Variants in MYBPC1 observed in about 807,000 individuals in gnomAD.
MYBPC1 encodes myosin-binding protein C, slow-type.
Under a neutral mutation model 147.1 loss-of-function variants are expected in MYBPC1, and 52 were observed. The ratio of observed to expected loss-of-function variants is 0.35; its 90% CI spans 0.28 to 0.45. The LOEUF (loss-of-function observed/expected upper bound fraction) is 0.45. Among genes scored for constraint, MYBPC1 ranks in the 20% least tolerant of loss-of-function variants. MYBPC1 has a pLI of 1.00. For missense variants in MYBPC1, 1,228 were observed against 1,440.3 expected (o/e 0.85, Z 2.39); for synonymous variants, 477 against 475.9 (o/e 1.00, Z -0.03).
downstream of MYBPC1, among the ~76,000 whole-genome samples, chr12:101,686,840 T>A (rs1356213532): frequency 1.3e-5 from 2 of 152,184 alleles, no homozygotes; most frequent in African/African-American, 4.8e-5. Context: ...ATTCAGGTCG[T>A]TGCAGTACAT....
At chr12:101,650,903 C>A (rs565335497) in intron 15 of MYBPC1, 26 of 367,586 alleles carry the variant, frequency 7.1e-5, no homozygotes, top group Admixed American at 6.1e-4. Flanking sequence ...TAGTTGTGAC[C>A]TCAGATGTAA....
At chr12:101,620,893 T>C (rs1887216112) in intron 3 of MYBPC1, among the ~76,000 whole-genome samples, 1 of 152,168 alleles carries the variant, frequency 6.6e-6, no homozygotes, top group Non-Finnish European at 1.5e-5. Flanking sequence ...TAAAACCTTA[T>C]TTTCTTTTCC....
chr12:101,685,838 A>T lies in MYBPC1; in HGVS notation c.*276A>T. On this transcript the variant is annotated 3_prime_UTR_variant, in exon 32 of 32. Transcript: ENST00000361466. ...AAAAAAAAAAAAAAAGTTTGCCCAG[A>T]TTGCTTAATTAAAAATTGCAAACAA... The T allele has an allele frequency of 3.5e-6, 2 of 571,008 alleles. No homozygotes were observed. Among genetic ancestry groups the T allele is most frequent in the South Asian group, 4.8e-5 (2 of 41,242 alleles). 35.4% of individuals were successfully genotyped at this position (571,008 alleles called of 1,614,324 possible).
At chr12:101,662,274 A>C (rs1896705535) in intron 20 of MYBPC1, 84 bp from the exon 21 acceptor site, 1 of 1,442,582 alleles carries the variant, frequency 6.9e-7, no homozygotes, top group East Asian at 2.4e-5. Flanking sequence ...ACAAAATGCA[A>C]AATTTTAAGG....
the MYBPC1 span, among the ~76,000 whole-genome samples, chr12:101,695,521 G>A: frequency 6.6e-6 from 1 of 152,178 alleles, no homozygotes; most frequent in South Asian, 2.1e-4. Context: ...GGGACAAAGG[G>A]AGACTACTGT....
intron 1 of MYBPC1, among the ~76,000 whole-genome samples, chr12:101,609,068 A>T (rs1247256186): frequency 1.3e-5 from 2 of 152,088 alleles, no homozygotes; most frequent in African/African-American, 2.4e-5. Flanking sequence ...TCTGAAAAGG[A>T]GAAGGAGAAG....
chr12:101,667,064 C>T (rs1222477088), intron 22 of MYBPC1, among the ~76,000 whole-genome samples: 1 of 152,158 alleles, frequency 6.6e-6, no homozygotes, highest in Non-Finnish European at 1.5e-5. Context: ...GCCCTGAATG[C>T]TGGGTTAAAA....
At chr12:101,634,180 G>A (rs541164850) in intron 8 of MYBPC1, among the ~76,000 whole-genome samples, 1 of 152,276 alleles carries the variant, frequency 6.6e-6, no homozygotes, top group Non-Finnish European at 1.5e-5. Context: ...GATTACAGGC[G>A]TGAGCCACCG....
chr12:101,631,088 C>T (rs1478906314), intron 6 of MYBPC1, among the ~76,000 whole-genome samples: 3 of 152,096 alleles, frequency 2.0e-5, no homozygotes, highest in Non-Finnish European at 4.4e-5. Context: ...TTACTTCAAG[C>T]AGATCAGTTT....
chr12:101,596,528 T>C (rs189300560), intron 1 of MYBPC1, among the ~76,000 whole-genome samples: 54 of 152,350 alleles, frequency 3.5e-4, no homozygotes, highest in Admixed American at 3.3e-3. Flanking sequence ...TTAATTATTC[T>C]GAATTTAGTG....
chr12:101,604,079 C>G (rs910661089), intron 1 of MYBPC1, among the ~76,000 whole-genome samples: 1 of 152,162 alleles, frequency 6.6e-6, no homozygotes, highest in African/African-American at 2.4e-5. Context: ...GTAAATCTTC[C>G]CCTGCAAAAC....
intron 30 of MYBPC1, among the ~76,000 whole-genome samples, chr12:101,683,098 C>T (rs567375843): frequency 1.3e-5 from 2 of 151,900 alleles, no homozygotes; most frequent in Non-Finnish European, 2.9e-5. Flanking sequence ...TTTTGATGTT[C>T]TGAGCATTTT....
downstream of MYBPC1, among the ~76,000 whole-genome samples, chr12:101,688,002 G>A (rs1318808211): frequency 6.6e-6 from 1 of 152,250 alleles, no homozygotes; most frequent in Middle Eastern, 3.4e-3. Context: ...ACTGCAAAGA[G>A]CAAAAAATAT....
In MYBPC1 at chr12:101,629,513, T is replaced by C. The variant is rs1474889310; in HGVS notation, c.258T>C (p.Ile86=). The C allele has an allele frequency of 6.2e-7, 1 of 1,613,780 alleles. No homozygotes were observed. Among genetic ancestry groups the C allele is most frequent in the Admixed American group, 1.7e-5 (1 of 60,016 alleles). ...NANSQLSILF[I]EKPQGGTVKV... ...ACTCCCAGCTGTCCATCTTGTTCAT[T>C]GAAAAACCTCAAGGAGGAACAGTGA... Residue 86 remains isoleucine, a synonymous_variant, in exon 6 of 32, where the codon ATT becomes ATC. Coordinates refer to ENST00000361466, the MANE Select transcript of MYBPC1 (RefSeq NM_002465.4).
chr12:101,637,265 TC>T (rs1238199713), intron 10 of MYBPC1: 1 of 153,240 alleles, frequency 6.5e-6, no homozygotes, highest in Non-Finnish European at 1.5e-5. Flanking sequence ...TTAAAATGCC[TC>T]AAAAATGTGT....
At chr12:101,668,858 G>T (rs775709819) in intron 23 of MYBPC1, among the ~76,000 whole-genome samples, 2 of 152,088 alleles carry the variant, frequency 1.3e-5, no homozygotes, top group African/African-American at 4.8e-5. Context: ...AGGCTGAGGC[G>T]GGCAGATCAC....
In MYBPC1 at chr12:101,675,259, AC is replaced by A. The variant is rs765308274; in HGVS notation, c.2810-31del. 7 of 1,613,422 alleles carry A rather than the reference AC, an allele frequency of 4.3e-6. No individual in the cohort carries two copies. The South Asian group carries it at 5.5e-5, about 13-fold the overall frequency. On this transcript the variant is annotated intron_variant, in intron 25 of 31. Coordinates refer to ENST00000361466, the MANE Select transcript of MYBPC1 (RefSeq NM_002465.4). ...AAAATGTAGACTGGGAAAGAAAGTG[AC>A]CTTGCAGTGACACCATGAATTCATC...
At position 101,642,495 on chromosome 12, in the gene MYBPC1, G is replaced by C. The variant is rs564856283; in HGVS notation, c.742G>C (p.Glu248Gln). The stretch of plus-strand genomic sequence containing the variant: ...GAAGAACGCGAAACCCAGTGAGTAC[G>C]AGAAGATCGCCTTCCAGTATGGAAT... ...LLKNAKPSEY[E>Q]KIAFQYGITD... Residue 248 changes from glutamate (E) to glutamine (Q), a missense_variant, in exon 11 of 32, where the codon GAG (glutamate) becomes CAG (glutamine). Glu to Gln is a conservative substitution (Grantham distance 29). Around this residue, in one of 2 missense-constraint regions of MYBPC1, gnomAD observed 1,077 missense variants for 1,314.2 expected, o/e 0.82. Coordinates refer to ENST00000361466, the MANE Select transcript of MYBPC1 (RefSeq NM_002465.4). 6.1e-5 allele frequency: 98 copies of C among 1,613,910 alleles called. No individual in the cohort carries two copies. Among genetic ancestry groups the C allele is most frequent in the Non-Finnish European group, 8.0e-5 (94 of 1,180,028 alleles).
chr12:101,646,643 A>G (rs1369181696), intron 12 of MYBPC1, 120 bp from the exon 13 acceptor site: 1 of 1,232,062 alleles, frequency 8.1e-7, no homozygotes, highest in Non-Finnish European at 1.2e-6. Context: ...TGTCTCAAAA[A>G]AAAACAACAG....
Sources: allele counts gnomAD v4.1 joint callset (sites outside exome capture counted in the v4.1 genomes callset), GRCh38; gene constraint gnomAD v4.1.1; regional missense constraint gnomAD v4.1.1; transcripts MANE v1.5; gene names NCBI Gene and HGNC (gene_info 2026-07-23, HGNC 2026-07-21).